Variants in RBFOX3 observed in about 807,000 individuals in gnomAD.
RBFOX3 encodes the protein RNA binding fox-1 homolog 3.
A neutral mutation model predicts 48.7 loss-of-function variants in RBFOX3; 17 were observed. That is an observed-to-expected ratio of 0.35 (90% CI 0.24 to 0.52). RBFOX3 has a LOEUF of 0.52. Ranked by LOEUF, RBFOX3 falls within the 20% of genes least tolerant of loss-of-function variation. The pLI, the probability that RBFOX3 is intolerant of heterozygous loss-of-function variation, is 0.94. For synonymous variants in RBFOX3, 212 were observed against 209.5 expected (o/e 1.01, Z -0.10); for missense variants, 382 against 497.5 (o/e 0.77, Z 2.21).
chr17:79,430,289 T>TAAAG (rs1555727787), intron 2 of RBFOX3, among the ~76,000 whole-genome samples: 2 of 150,592 alleles, frequency 1.3e-5, no homozygotes, highest in South Asian at 4.2e-4. Context: ...AATAAATAAA[T>TAAAG]AAATAAATAA....
chr17:79,261,713 C>G (rs2065812456), intron 3 of RBFOX3, among the ~76,000 whole-genome samples: 1 of 152,208 alleles, frequency 6.6e-6, no homozygotes, highest in African/African-American at 2.4e-5. Context: ...GCAGGACCCT[C>G]CCTATCCCAT....
rs2055375906 is a variant in RBFOX3, at chr17:79,195,375, T to C, written c.-34+40391A>G. On this transcript the variant is annotated intron_variant, in intron 4 of 14. Coordinates refer to ENST00000693108, the MANE Select transcript of RBFOX3 (RefSeq NM_001350451.2). The surrounding 1 kb of genome is among the most constrained non-coding windows in gnomAD (Gnocchi z 5.3). Reference sequence around the variant, plus strand: ...TGACATTGCACCACTGCACTCCAGCTTGGGTGACAGAGTGAGACTCCATCT... The same window carrying C: ...TGACATTGCACCACTGCACTCCAGCCTGGGTGACAGAGTGAGACTCCATCT... Among the ~76,000 whole-genome samples, 1 of 151,632 alleles carries C rather than the reference T, an allele frequency of 6.6e-6. No homozygotes were observed. The highest frequency in any genetic ancestry group is 2.4e-5 in the African/African-American group (1 of 41,218).
chr17:79,620,379 A>ACACATGCACACATGCC, the RBFOX3 span, among the ~76,000 whole-genome samples: 1 of 139,612 alleles, frequency 7.2e-6, no homozygotes, highest in Admixed American at 9.1e-5. Flanking sequence ...GGACATACAC[A>ACACATGCACACATGCC]CACATGCACA....
intron 2 of RBFOX3, among the ~76,000 whole-genome samples, chr17:79,403,782 CTTT>C (rs781618072): frequency 8.8e-5 from 11 of 124,348 alleles, no homozygotes; most frequent in Non-Finnish European, 1.3e-4. Flanking sequence ...TGTTCTTTTT[CTTT>C]TTTTTTTTTT....
chr17:79,586,409 C>T (rs2144953825), intron 1 of RBFOX3, among the ~76,000 whole-genome samples: 1 of 152,324 alleles, frequency 6.6e-6, no homozygotes, highest in South Asian at 2.1e-4. Flanking sequence ...CCAAGCATGG[C>T]CCAGTTCAGC....
intron 3 of RBFOX3, among the ~76,000 whole-genome samples, chr17:79,268,929 C>T (rs539181543): frequency 1.2e-4 from 18 of 152,390 alleles, no homozygotes; most frequent in Middle Eastern, 3.4e-3. Flanking sequence ...TGTCTTCACA[C>T]GCCTCCTTGT....
intron 3 of RBFOX3, among the ~76,000 whole-genome samples, chr17:79,236,306 T>C (rs2061626974): frequency 6.6e-6 from 1 of 152,120 alleles, no homozygotes; most frequent in African/African-American, 2.4e-5. Context: ...ATTTATTTAT[T>C]TGTTTTTGGA....
intron 1 of RBFOX3, among the ~76,000 whole-genome samples, chr17:79,560,908 G>A (rs924872966): frequency 9.2e-5 from 14 of 152,258 alleles, no homozygotes; most frequent in Non-Finnish European, 1.5e-4. Context: ...TTGGGGAAAC[G>A]GAAGCTCATG....
chr17:79,503,987 G>A (rs2082717740), intron 1 of RBFOX3, among the ~76,000 whole-genome samples: 1 of 151,970 alleles, frequency 6.6e-6, no homozygotes, highest in South Asian at 2.1e-4. Flanking sequence ...GGGAAGGTGG[G>A]TGGGCGGGGT....
At chr17:79,149,584 T>C (rs1325049835) in intron 4 of RBFOX3, among the ~76,000 whole-genome samples, 1 of 151,964 alleles carries the variant, frequency 6.6e-6, no homozygotes, top group Admixed American at 6.5e-5. Context: ...CCGTGGACGA[T>C]TCCTCCTTCG....
chr17:79,298,023 A>G (rs2074681282), intron 3 of RBFOX3, among the ~76,000 whole-genome samples: 1 of 152,220 alleles, frequency 6.6e-6, no homozygotes. Flanking sequence ...TACGAAACAC[A>G]TTTGGGTTAA....
At chr17:79,201,895 A>G (rs1315302356) in intron 4 of RBFOX3, among the ~76,000 whole-genome samples, 1 of 152,174 alleles carries the variant, frequency 6.6e-6, no homozygotes, top group Non-Finnish European at 1.5e-5. Context: ...TTCTACTTTC[A>G]GGCCTCCTCT....
At chr17:79,489,437 GGTGTGCGCCACC>G (rs2080163721) in intron 1 of RBFOX3, among the ~76,000 whole-genome samples, 1 of 152,148 alleles carries the variant, frequency 6.6e-6, no homozygotes, top group Non-Finnish European at 1.5e-5. Context: ...TGGGACTACA[GGTGTGCGCCACC>G]ATGCCTGGCT....
chr17:79,219,067 A>C (rs1013961769), intron 4 of RBFOX3, among the ~76,000 whole-genome samples: 1 of 152,294 alleles, frequency 6.6e-6, no homozygotes, highest in South Asian at 2.1e-4. Context: ...CCCCACAGGC[A>C]CCTGTGCGGG....
chr17:79,612,668 T>C (rs904567382), upstream of RBFOX3, among the ~76,000 whole-genome samples: 1 of 152,246 alleles, frequency 6.6e-6, no homozygotes, highest in Non-Finnish European at 1.5e-5. Context: ...ATGCCGTGTC[T>C]ACGAGCAAGG....
intron 1 of RBFOX3, among the ~76,000 whole-genome samples, chr17:79,509,843 C>A (rs2083839596): frequency 6.6e-6 from 1 of 152,176 alleles, no homozygotes; most frequent in Non-Finnish European, 1.5e-5. Context: ...CTCTCCACCC[C>A]TCCCTGAGCC....
chr17:79,548,520 C>T (rs782249624), intron 1 of RBFOX3, among the ~76,000 whole-genome samples: 17 of 152,232 alleles, frequency 1.1e-4, no homozygotes, highest in Non-Finnish European at 2.4e-4. Flanking sequence ...GCAGCTGTGC[C>T]CAGGATGGTG....
chr17:79,127,032 T>C (rs2037485499), intron 4 of RBFOX3, among the ~76,000 whole-genome samples: 1 of 152,212 alleles, frequency 6.6e-6, no homozygotes, highest in Admixed American at 6.5e-5. Context: ...GGCCAACTGC[T>C]ACCAGCTTTG....
chr17:79,470,122 C>G (rs2076879813), intron 2 of RBFOX3, among the ~76,000 whole-genome samples: 1 of 152,194 alleles, frequency 6.6e-6, no homozygotes, highest in African/African-American at 2.4e-5. Flanking sequence ...CAGCTCCACA[C>G]ACACAGCCCC....
Sources: gnomAD v4.1 joint callset for allele counts (sites outside exome capture counted in the v4.1 genomes callset) on GRCh38, gnomAD v4.1.1 for gene constraint, Gnocchi (gnomAD v3.1) non-coding constraint, MANE v1.5 for transcripts, NCBI Gene and HGNC (gene_info 2026-07-23, HGNC 2026-07-21) for gene names.